Variants in KDR observed in about 807,000 individuals in gnomAD.
KDR encodes the protein kinase insert domain receptor.
A neutral mutation model predicts 160.9 loss-of-function variants in KDR; 43 were observed. The ratio of observed to expected loss-of-function variants is 0.27; its 90% CI spans 0.21 to 0.34. KDR has a LOEUF of 0.34. Ranked by LOEUF, KDR falls within the 10% of genes least tolerant of loss-of-function variation. The pLI is 1.00. For missense variants in KDR, 1,469 were observed against 1,666.4 expected (o/e 0.88, Z 2.06); for synonymous variants, 617 against 600.1 (o/e 1.03, Z -0.41).
intron 13 of KDR, 52 bp downstream of exon 13, chr4:55,104,591 A>C (rs1720391312): frequency 7.1e-7 from 1 of 1,408,980 alleles, no homozygotes; most frequent in Non-Finnish European, 1.0e-6. Flanking sequence ...ATTGCACTAC[A>C]TTTAAGGCAT....
At chr4:55,080,255 C>T (rs1204278591) in intron 29 of KDR, 92 bp from the exon 30 acceptor site, 12 of 1,135,804 alleles carry the variant, frequency 1.1e-5, no homozygotes, top group Non-Finnish European at 1.4e-5. Context: ...CATATGGCTG[C>T]CATCTCCCTG....
At chr4:55,091,614 G>A (rs1720021162) in intron 22 of KDR, among the ~76,000 whole-genome samples, 1 of 152,258 alleles carries the variant, frequency 6.6e-6, no homozygotes, top group East Asian at 1.9e-4. Flanking sequence ...CTACCTAGCA[G>A]AAACATCAAA....
chr4:55,105,601 G>A (rs186106405), intron 12 of KDR, among the ~76,000 whole-genome samples: 1 of 152,198 alleles, frequency 6.6e-6, no homozygotes, highest in Non-Finnish European at 1.5e-5. Flanking sequence ...GTGGTTTAAA[G>A]CATCTGTGAA....
chr4:55,084,904 A>G (rs1719821473), intron 27 of KDR, among the ~76,000 whole-genome samples: 1 of 152,204 alleles, frequency 6.6e-6, no homozygotes, highest in Non-Finnish European at 1.5e-5. Context: ...AAAGTGCAGA[A>G]AGGACAGTCC....
chr4:55,118,537 C>T (rs750280144), intron 3 of KDR, 67 bp downstream of exon 3: 1 of 1,269,740 alleles, frequency 7.9e-7, no homozygotes, highest in Admixed American at 1.7e-5. Context: ...CTCAATTCTT[C>T]TTTGAGCCTA....
chr4:55,098,461 G>C lies in KDR; in HGVS notation c.2374-189C>G, dbSNP rs150566105. Among the ~76,000 whole-genome samples the C allele has an allele frequency of 2.5e-3, 378 of 152,168 alleles. 4 individuals carry two copies. Among genetic ancestry groups the C allele is most frequent in the African/African-American group, 8.4e-3 (350 of 41,518 alleles). Reference sequence around the variant, plus strand: ...GTCCCCCAAAGGAGCTCAGAATTAAGGTTTTAAAGCTTAATTACACTAGAC... The same window carrying C: ...GTCCCCCAAAGGAGCTCAGAATTAACGTTTTAAAGCTTAATTACACTAGAC... On this transcript the variant is annotated intron_variant, in intron 16 of 29. Transcript: ENST00000263923.
At chr4:55,085,504 C>G (rs891520367) in intron 27 of KDR, among the ~76,000 whole-genome samples, 1 of 152,140 alleles carries the variant, frequency 6.6e-6, no homozygotes, top group African/African-American at 2.4e-5. Context: ...AGTACCCCAG[C>G]CTCAACTCAT....
chr4:55,101,008 A>G (rs1267317936), intron 15 of KDR, among the ~76,000 whole-genome samples: 1 of 152,132 alleles, frequency 6.6e-6, no homozygotes, highest in Non-Finnish European at 1.5e-5. Flanking sequence ...CTGCATACAC[A>G]CGTATTGAGA....
At chr4:55,096,624 C>A (rs988255100) in intron 18 of KDR, 21 of 454,296 alleles carry the variant, frequency 4.6e-5, no homozygotes, top group African/African-American at 3.9e-4. Flanking sequence ...TGGAATCATG[C>A]CCAGATTCTC....
Position 55,125,551 on chromosome 4 carries a change from C to G in KDR, c.-258G>C. ...ATGCCCGGCGCAGGCAGAGGAAACGCAGCGACCACACATTGACCGCTCTCC... is the reference window on the plus strand; with the variant it reads ...ATGCCCGGCGCAGGCAGAGGAAACGGAGCGACCACACATTGACCGCTCTCC... On this transcript the variant is annotated 5_prime_UTR_variant, in exon 1 of 30. Coordinates refer to ENST00000263923, the MANE Select transcript of KDR (RefSeq NM_002253.4). 1.7e-6 allele frequency: 1 copy of G among 598,392 alleles called. No individual in the cohort carries two copies. The highest frequency in any genetic ancestry group is 2.0e-5 in the South Asian group (1 of 50,718). The allele number at this position is 598,392 out of a possible 1,614,324, so 37.1% of individuals were successfully genotyped here.
At chr4:55,092,745 G>T in intron 21 of KDR, 31 bp from the exon 22 acceptor site, 1 of 1,393,592 alleles carries the variant, frequency 7.2e-7, no homozygotes, top group Non-Finnish European at 1.0e-6. Flanking sequence ...ATGGAGATCA[G>T]TATTTCCATG....
rs1255912585 is a variant in KDR, at chr4:55,082,409, T to C, written c.3762+127A>G. 4 of 726,086 alleles carry C rather than the reference T, an allele frequency of 5.5e-6. No homozygotes were observed. In the African/African-American group the frequency reaches 7.1e-5, roughly 13 times the overall value. The allele number at this position is 726,086 out of a possible 1,614,324, so 45.0% of individuals were successfully genotyped here. A position where few individuals can be genotyped will look rare whatever the true frequency, so the allele number is the denominator to read the frequency against. On this transcript the variant is annotated intron_variant, in intron 28 of 29. Transcript: ENST00000263923. The stretch of plus-strand genomic sequence containing the variant: ...AAGTTCCATCTCCATAATGACCCCA[T>C]GATACACACACTCGAGGGCAGCCTT...
At chr4:55,089,635 C>T in intron 24 of KDR, 56 bp downstream of exon 24, 1 of 1,513,210 alleles carries the variant, frequency 6.6e-7, no homozygotes, top group Non-Finnish European at 9.2e-7. Flanking sequence ...GAGGAAAAGA[C>T]AACTTTTGTC....
At chr4:55,105,028 G>C (rs1302595722) in intron 12 of KDR, 44 bp from the exon 13 acceptor site, 5 of 1,494,660 alleles carry the variant, frequency 3.3e-6, no homozygotes, top group Admixed American at 1.7e-5. Context: ...ATTTAACTTG[G>C]TACAGCTCAC....
chr4:55,086,519 CA>C (rs375316185), intron 27 of KDR, among the ~76,000 whole-genome samples: 150 of 150,852 alleles, frequency 9.9e-4, no homozygotes, highest in African/African-American at 3.4e-3. Context: ...AATAATACAT[CA>C]AAAAAAAAGA....
chr4:55,121,751 T>C lies in KDR; in HGVS notation c.68-561A>G, dbSNP rs112913780. Among the ~76,000 whole-genome samples, 753 of 152,294 alleles carry C rather than the reference T, an allele frequency of 4.9e-3. 8 individuals are homozygous for C. The highest frequency in any genetic ancestry group is 0.018 in the African/African-American group (732 of 41,556). On this transcript the variant is annotated intron_variant, in intron 1 of 29. Transcript: ENST00000263923. ...CTGAAATAATGGCTCATAAAGACTG[T>C]ACATTAAAAGCAAGGGAGAGAAACT...
chr4:55,083,521 T>C (rs1212777871), intron 27 of KDR, among the ~76,000 whole-genome samples: 2 of 152,154 alleles, frequency 1.3e-5, no homozygotes, highest in African/African-American at 4.8e-5. Context: ...GAATAAGACT[T>C]GTTGAACAAC....
rs974880093 is a variant in KDR at position 55,079,196 on chromosome 4, C to G, written c.*745G>C. 1 of 233,298 alleles carries G rather than the reference C, an allele frequency of 4.3e-6. No individual in the cohort carries two copies. Among genetic ancestry groups the G allele is most frequent in the African/African-American group, 2.2e-5 (1 of 45,326 alleles). The allele number at this position is 233,298 out of a possible 1,614,324, so 14.5% of individuals were successfully genotyped here. A position where few individuals can be genotyped will look rare whatever the true frequency, so the allele number is the denominator to read the frequency against. On this transcript the variant is annotated 3_prime_UTR_variant, in exon 30 of 30. Transcript: ENST00000263923. ...GGGAGACAAGGAGCCAGAGCTGCAT[C>G]ATTTCCTTCCTGGGGCTTGGCCAGG...
chr4:55,086,917 C>T (rs989542423), intron 27 of KDR, among the ~76,000 whole-genome samples: 1 of 152,166 alleles, frequency 6.6e-6, no homozygotes, highest in African/African-American at 2.4e-5. Flanking sequence ...TGAAGTAGTC[C>T]CAGCCTTAGT....
Sources: gnomAD v4.1 joint callset for allele counts (sites outside exome capture counted in the v4.1 genomes callset) on GRCh38, gnomAD v4.1.1 for gene constraint, MANE v1.5 for transcripts, NCBI Gene and HGNC (gene_info 2026-07-23, HGNC 2026-07-21) for gene names.